TXNRD1: variants seen among roughly 807,000 people sequenced by gnomAD.
The protein encoded by TXNRD1 is thioredoxin reductase 1, cytoplasmic.
Under a neutral mutation model 80.3 loss-of-function variants are expected in TXNRD1, and 57 were observed. The ratio of observed to expected loss-of-function variants is 0.71; its 90% CI spans 0.57 to 0.89. TXNRD1 has a LOEUF of 0.89. Ranked by LOEUF, TXNRD1 falls within the 40% of genes least tolerant of loss-of-function variation. TXNRD1 has a pLI of 0.00. For synonymous variants in TXNRD1, 291 were observed against 285.2 expected (o/e 1.02, Z -0.20); for missense variants, 730 against 803.0 (o/e 0.91, Z 1.10).
intron 16 of TXNRD1, chr12:104,345,974 T>TA: frequency 2.3e-6 from 3 of 1,288,988 alleles, no homozygotes; most frequent in Non-Finnish European, 2.0e-6. Flanking sequence ...ATAAAAATTC[T>TA]AAAACAGTTG....
At chr12:104,234,376 C>G (rs1337981399) in intron 1 of TXNRD1, among the ~76,000 whole-genome samples, 1 of 152,142 alleles carries the variant, frequency 6.6e-6, no homozygotes, top group Non-Finnish European at 1.5e-5. Context: ...CTCACTGCAA[C>G]CTCTGCCTCC....
At chr12:104,300,166 A>C (rs983761271) in intron 4 of TXNRD1, among the ~76,000 whole-genome samples, 1 of 152,248 alleles carries the variant, frequency 6.6e-6, no homozygotes, top group Non-Finnish European at 1.5e-5. Flanking sequence ...TGTGTTGAGC[A>C]GTATGGGTTG....
At chr12:104,288,342 A>T (rs188299258) in intron 3 of TXNRD1, among the ~76,000 whole-genome samples, 1 of 152,324 alleles carries the variant, frequency 6.6e-6, no homozygotes, top group Admixed American at 6.5e-5. Context: ...TGTTCCACTG[A>T]GTTCACCCCT....
intron 4 of TXNRD1, among the ~76,000 whole-genome samples, chr12:104,296,227 A>G (rs1021018864): frequency 6.6e-6 from 1 of 152,158 alleles, no homozygotes; most frequent in African/African-American, 2.4e-5. Flanking sequence ...TGTGCTCATG[A>G]TTCGAGGTCA....
chr12:104,286,802 T>G, intron 3 of TXNRD1: 1 of 1,023,784 alleles, frequency 9.8e-7, no homozygotes, highest in South Asian at 3.6e-5. Flanking sequence ...CCTTAAATTG[T>G]TTTTGCTCTG....
At chr12:104,276,057 A>G (rs886186807) in intron 3 of TXNRD1, among the ~76,000 whole-genome samples, 2 of 152,238 alleles carry the variant, frequency 1.3e-5, no homozygotes, top group Admixed American at 6.5e-5. Context: ...CTATTGAGCT[A>G]TACTGCTTGT....
At chr12:104,227,095 AG>A (rs913814468) in intron 1 of TXNRD1, among the ~76,000 whole-genome samples, 6 of 152,194 alleles carry the variant, frequency 3.9e-5, no homozygotes, top group African/African-American at 1.4e-4. Context: ...ATCTGAAAGT[AG>A]TGATCCTTAA....
Position 104,265,957 on chromosome 12 carries a change from A to T in TXNRD1, c.304+7878A>T, listed in dbSNP as rs1161445624. ...TGAGCCAGTCCCACACAAAATCTTA[A>T]AAAAAAAAAAAGAAAAGAAATAATA... On this transcript the variant is annotated intron_variant, in intron 3 of 16. Coordinates refer to ENST00000525566, the MANE Select transcript of TXNRD1 (RefSeq NM_001093771.3). The T allele has an allele frequency of 6.9e-5, 15 of 216,056 alleles. No individual in the cohort carries two copies. The African/African-American group carries it at 7.9e-4, about 11-fold the overall frequency. 13.4% of individuals were successfully genotyped at this position (216,056 alleles called of 1,614,324 possible). A position where few individuals can be genotyped will look rare whatever the true frequency, so the allele number is the denominator to read the frequency against.
At chr12:104,339,822 G>A (rs551756353) in intron 16 of TXNRD1, among the ~76,000 whole-genome samples, 2 of 152,304 alleles carry the variant, frequency 1.3e-5, no homozygotes, top group African/African-American at 4.8e-5. Context: ...TGTTTATATT[G>A]GAGAACTTGG....
intron 3 of TXNRD1, among the ~76,000 whole-genome samples, chr12:104,263,974 T>C (rs1309139259): frequency 6.6e-6 from 1 of 152,242 alleles, no homozygotes; most frequent in Non-Finnish European, 1.5e-5. Flanking sequence ...TCAATGTTGC[T>C]GTGTCAAGCC....
chr12:104,346,898 A>G (rs759450704), intron 16 of TXNRD1, among the ~76,000 whole-genome samples: 5 of 152,050 alleles, frequency 3.3e-5, no homozygotes, highest in Non-Finnish European at 7.4e-5. Context: ...AGTTTGAGAC[A>G]AGCCTGGTCA....
At chr12:104,262,271 C>T (rs746701216) in intron 3 of TXNRD1, 1 of 149,258 alleles carries the variant, frequency 6.7e-6, no homozygotes, top group Non-Finnish European at 1.5e-5. Flanking sequence ...AAGTTTGACA[C>T]CCCGTTCTAA....
chr12:104,233,271 A>G (rs938426634), intron 1 of TXNRD1, among the ~76,000 whole-genome samples: 1 of 151,786 alleles, frequency 6.6e-6, no homozygotes, highest in African/African-American at 2.4e-5. Flanking sequence ...AAAAGAAACT[A>G]TTATTTCTAA....
At chr12:104,314,580 T>C (rs1242333603) in intron 6 of TXNRD1, among the ~76,000 whole-genome samples, 6 of 152,110 alleles carry the variant, frequency 3.9e-5, no homozygotes, top group Admixed American at 6.6e-5. Flanking sequence ...CTGCCTGTGT[T>C]TTGTTCTAAT....
chr12:104,254,552 G>A (rs533762138), intron 2 of TXNRD1, among the ~76,000 whole-genome samples: 1 of 146,656 alleles, frequency 6.8e-6, no homozygotes, highest in Admixed American at 7.0e-5. Flanking sequence ...AATGCTTTGG[G>A]AGGCCAAGGC....
At chr12:104,339,643 G>C (rs1368614864) in intron 16 of TXNRD1, among the ~76,000 whole-genome samples, 1 of 152,122 alleles carries the variant, frequency 6.6e-6, no homozygotes, top group Non-Finnish European at 1.5e-5. Context: ...TCAGCTTATG[G>C]TATCAGTGAA....
intron 1 of TXNRD1, among the ~76,000 whole-genome samples, chr12:104,236,636 A>G (rs1289782670): frequency 6.6e-6 from 1 of 152,006 alleles, no homozygotes; most frequent in Non-Finnish European, 1.5e-5. Flanking sequence ...CTAAAAATAC[A>G]AAATTAGCCG....
chr12:104,304,225 T>C (rs764739167), intron 4 of TXNRD1: 11 of 1,613,966 alleles, frequency 6.8e-6, no homozygotes, highest in Non-Finnish European at 9.3e-6. Flanking sequence ...TTATGGCTTC[T>C]GATTTGGGTA....
At chr12:104,333,818 G>A (rs1345520954) in intron 14 of TXNRD1, among the ~76,000 whole-genome samples, 1 of 152,128 alleles carries the variant, frequency 6.6e-6, no homozygotes, top group African/African-American at 2.4e-5. Context: ...CATTTAGCAA[G>A]AGAACTAGAT....
Sources: allele counts gnomAD v4.1 joint callset (sites outside exome capture counted in the v4.1 genomes callset), GRCh38; gene constraint gnomAD v4.1.1; transcripts MANE v1.5; gene names NCBI Gene and HGNC (gene_info 2026-07-23, HGNC 2026-07-21).